LHFPL3: variants seen among roughly 807,000 people sequenced by gnomAD.
The protein encoded by LHFPL3 is LHFPL tetraspan subfamily member 3 protein.
Under a neutral mutation model 19.3 loss-of-function variants are expected in LHFPL3, and 5 were observed. That is an observed-to-expected ratio of 0.26 (90% CI 0.14 to 0.54). The LOEUF (loss-of-function observed/expected upper bound fraction) is 0.54, where lower values mean the gene tolerates loss of function less well. Among genes scored for constraint, LHFPL3 ranks in the 20% least tolerant of loss-of-function variants. LHFPL3 has a pLI of 0.94. For synonymous variants in LHFPL3, 133 were observed against 126.2 expected (o/e 1.05, Z -0.36); for missense variants, 249 against 307.4 (o/e 0.81, Z 1.42).
At chr7:104,756,903 A>G (rs1308461500) in intron 2 of LHFPL3, among the ~76,000 whole-genome samples, 3 of 152,208 alleles carry the variant, frequency 2.0e-5, no homozygotes, top group African/African-American at 4.8e-5. Flanking sequence ...CTGTGTGCGT[A>G]AAATATCTCT....
intron 1 of LHFPL3, chr7:104,667,953 G>A: frequency 2.5e-6 from 4 of 1,613,348 alleles, no homozygotes; most frequent in South Asian, 2.2e-5. Context: ...GCCTCCAATT[G>A]ACCGTTCCAT....
chr7:104,565,528 G>A (rs959004839), intron 1 of LHFPL3, among the ~76,000 whole-genome samples: 2 of 152,202 alleles, frequency 1.3e-5, no homozygotes, highest in Non-Finnish European at 1.5e-5. Context: ...GAATTGACAG[G>A]AAATTGAGGA....
intron 2 of LHFPL3, among the ~76,000 whole-genome samples, chr7:104,793,583 C>T (rs897116236): frequency 2.6e-5 from 4 of 152,186 alleles, no homozygotes; most frequent in African/African-American, 9.7e-5. Context: ...TTTGAACTAA[C>T]ACTCACAGTC....
chr7:104,802,324 G>A (rs1157084610), intron 2 of LHFPL3, among the ~76,000 whole-genome samples: 2 of 151,758 alleles, frequency 1.3e-5, no homozygotes, highest in Non-Finnish European at 2.9e-5. Context: ...GTGAAACCCT[G>A]CCTCTACAAA....
chr7:104,404,808 T>TAA (rs1475394075), intron 1 of LHFPL3, among the ~76,000 whole-genome samples: 92 of 152,314 alleles, frequency 6.0e-4, no homozygotes, highest in African/African-American at 2.0e-3. Context: ...TTGAACCATT[T>TAA]TGTACTTTGA....
chr7:104,732,754 T>A (rs1401848104), intron 1 of LHFPL3, among the ~76,000 whole-genome samples: 1 of 152,334 alleles, frequency 6.6e-6, no homozygotes, highest in East Asian at 1.9e-4. Flanking sequence ...AGTTATTTCT[T>A]GCTTTCTGCT....
chr7:104,522,545 A>C (rs1313418887), intron 1 of LHFPL3, among the ~76,000 whole-genome samples: 2 of 152,176 alleles, frequency 1.3e-5, no homozygotes, highest in Admixed American at 6.5e-5. Context: ...ATAATAAAAA[A>C]AAGAATAAAG....
At chr7:104,687,958 T>C (rs547917697) in intron 1 of LHFPL3, among the ~76,000 whole-genome samples, 16 of 152,342 alleles carry the variant, frequency 1.1e-4, no homozygotes, top group Admixed American at 9.8e-4. Flanking sequence ...GTGAACTAAG[T>C]TCCTAATGAC....
chr7:104,586,398 T>G (rs1790579471), intron 1 of LHFPL3, among the ~76,000 whole-genome samples: 1 of 152,170 alleles, frequency 6.6e-6, no homozygotes, highest in African/African-American at 2.4e-5. Context: ...ATATCATCTG[T>G]GTGCACAACT....
Position 104,635,461 on chromosome 7 carries a change from A to T in LHFPL3, c.446-101214A>T, listed in dbSNP as rs539620836. Among the ~76,000 whole-genome samples the T allele has an allele frequency of 1.4e-4, 22 of 152,238 alleles. No individual in the cohort carries two copies. The South Asian group carries it at 3.1e-3, about 22-fold the overall frequency. On this transcript the variant is annotated intron_variant, in intron 1 of 2. Coordinates refer to ENST00000424859, the MANE Select transcript of LHFPL3 (RefSeq NM_199000.3). ...CAGATGGGCAAAATGTAAAGAAAAA[A>T]TTTTTTTAAAAGTATTAAACTTGTC...
intron 1 of LHFPL3, among the ~76,000 whole-genome samples, chr7:104,430,386 A>ATGTG (rs1200869852): frequency 5.5e-4 from 23 of 41,940 alleles, no homozygotes; most frequent in Non-Finnish European, 7.4e-4. Context: ...ATATATACAT[A>ATGTG]TATATATATA....
chr7:104,526,424 TA>T, intron 1 of LHFPL3, among the ~76,000 whole-genome samples: 1 of 152,324 alleles, frequency 6.6e-6, no homozygotes, highest in African/African-American at 2.4e-5. Flanking sequence ...GCATTTTGCA[TA>T]AAAATATCAT....
chr7:104,682,768 T>C (rs1221794044), intron 1 of LHFPL3, among the ~76,000 whole-genome samples: 1 of 152,240 alleles, frequency 6.6e-6, no homozygotes, highest in Non-Finnish European at 1.5e-5. Flanking sequence ...GTCATGTGTG[T>C]TCACATTAAT....
chr7:104,819,487 C>A (rs547794212), intron 2 of LHFPL3, among the ~76,000 whole-genome samples: 1 of 151,978 alleles, frequency 6.6e-6, no homozygotes, highest in East Asian at 1.9e-4. Flanking sequence ...TGAATTATTT[C>A]TCAATATCCC....
intron 1 of LHFPL3, among the ~76,000 whole-genome samples, chr7:104,530,373 G>T (rs1019377773): frequency 2.0e-5 from 3 of 152,180 alleles, no homozygotes; most frequent in African/African-American, 7.2e-5. Context: ...ATGTCCTAGA[G>T]AGTGGTTTTC....
intron 1 of LHFPL3, among the ~76,000 whole-genome samples, chr7:104,653,562 C>T (rs918004068): frequency 6.6e-6 from 1 of 152,080 alleles, no homozygotes; most frequent in Non-Finnish European, 1.5e-5. Flanking sequence ...TTCTTTTAAC[C>T]CCATAAAAAT....
intron 1 of LHFPL3, among the ~76,000 whole-genome samples, chr7:104,528,724 CAG>C (rs1794236797): frequency 1.3e-5 from 2 of 152,210 alleles, no homozygotes; most frequent in African/African-American, 4.8e-5. Flanking sequence ...CTATGGAAGT[CAG>C]TTAAGACTTC....
intron 1 of LHFPL3, among the ~76,000 whole-genome samples, chr7:104,454,674 G>A (rs2116607884): frequency 6.6e-6 from 1 of 152,216 alleles, no homozygotes; most frequent in South Asian, 2.1e-4. Flanking sequence ...GTAAATCAAT[G>A]AGATCCCATA....
chr7:104,366,932 T>A (rs1790505697), intron 1 of LHFPL3, among the ~76,000 whole-genome samples: 1 of 152,172 alleles, frequency 6.6e-6, no homozygotes, highest in Non-Finnish European at 1.5e-5. Context: ...CACTGCTAAA[T>A]GTAGGTTTTT....
Sources: gnomAD v4.1 joint callset for allele counts (sites outside exome capture counted in the v4.1 genomes callset) on GRCh38, gnomAD v4.1.1 for gene constraint, MANE v1.5 for transcripts, NCBI Gene and HGNC (gene_info 2026-07-23, HGNC 2026-07-21) for gene names.